Variants in CBLB observed in about 807,000 individuals in gnomAD.
CBLB encodes the protein E3 ubiquitin-protein ligase CBL-B.
Under a neutral mutation model 104.9 loss-of-function variants are expected in CBLB, and 31 were observed. That is an observed-to-expected ratio of 0.30 (90% CI 0.22 to 0.40). CBLB has a LOEUF of 0.40. CBLB is among the 10% of genes least tolerant of loss of function. CBLB has a pLI of 1.00. For synonymous variants in CBLB, 440 were observed against 422.6 expected, an observed-to-expected ratio of 1.04 and a Z score of -0.51; for missense variants, 1,062 against 1,214.6, an observed-to-expected ratio of 0.87 and a Z score of 1.87.
chr3:105,767,997 T>C (rs1392360368), intron 4 of CBLB, among the ~76,000 whole-genome samples: 1 of 152,162 alleles, frequency 6.6e-6, no homozygotes, highest in Non-Finnish European at 1.5e-5. Context: ...CACATGCTAA[T>C]GCACATTCCT....
At chr3:105,724,140 C>T (rs2073274161) in intron 9 of CBLB, 1 of 174,362 alleles carries the variant, frequency 5.7e-6, no homozygotes, top group Non-Finnish European at 1.2e-5. Flanking sequence ...GGATCCATAC[C>T]AAGAATTTTC....
intron 4 of CBLB, among the ~76,000 whole-genome samples, chr3:105,763,221 A>G (rs1279185225): frequency 1.3e-5 from 2 of 152,162 alleles, no homozygotes; most frequent in Non-Finnish European, 2.9e-5. Context: ...GACTCTTGTT[A>G]TCTCAGATAA....
At chr3:105,781,793 G>A (rs1413865327) in intron 3 of CBLB, among the ~76,000 whole-genome samples, 3 of 152,156 alleles carry the variant, frequency 2.0e-5, no homozygotes, top group Non-Finnish European at 2.9e-5. Flanking sequence ...GCTGCTTTTG[G>A]TAGAAGAAAT....
chr3:105,850,590 ACT>A (rs1200368857), intron 3 of CBLB, among the ~76,000 whole-genome samples: 5 of 152,162 alleles, frequency 3.3e-5, no homozygotes, highest in African/African-American at 9.6e-5. Context: ...GAAATGGAAA[ACT>A]CTATCATTTT....
rs1333896117 is a variant in CBLB, at chr3:105,678,556, T to C, written c.2444A>G (p.Asp815Gly). The change falls in exon 17 of 19, where the codon GAT becomes GGT. Residue 815 changes from aspartate to glycine, a missense_variant. Transcript: ENST00000394030. Reference protein sequence around the residue: ...LIPPLGEDAFDALPPSLPPPP... With the variant: ...LIPPLGEDAFGALPPSLPPPP... ...AGGTGGGAGAGATGGAGGGAGGGCA[T>C]CAAAAGCATCTTCACCTGCATTTAA... 2 of 1,612,988 alleles carry C rather than the reference T, an allele frequency of 1.2e-6. No homozygotes were observed. Among genetic ancestry groups the C allele is most frequent in the Non-Finnish European group, 1.7e-6 (2 of 1,179,368 alleles).
intron 3 of CBLB, among the ~76,000 whole-genome samples, chr3:105,782,306 G>A (rs944143084): frequency 2.0e-5 from 3 of 152,160 alleles, no homozygotes; most frequent in African/African-American, 7.2e-5. Context: ...TCAGCAGTGC[G>A]CCTAGGAACA....
chr3:105,737,503 A>G lies in CBLB; in HGVS notation c.984-245T>C, dbSNP rs75586563. On this transcript the variant is annotated intron_variant, in intron 7 of 18. Coordinates refer to ENST00000394030, the MANE Select transcript of CBLB (RefSeq NM_170662.5). Reference sequence around the variant, plus strand: ...CTAACCCACTAAGCAACCATTTTCAATGAAATACCTTTAATATATGTCTCT... The same window carrying G: ...CTAACCCACTAAGCAACCATTTTCAGTGAAATACCTTTAATATATGTCTCT... 1.7e-3 allele frequency among the ~76,000 whole-genome samples: 252 copies of G among 152,214 alleles called. 5 individuals carry two copies. The East Asian group carries it at 0.031, about 19-fold the overall frequency.
intron 3 of CBLB, among the ~76,000 whole-genome samples, chr3:105,833,903 G>A (rs574659827): frequency 6.6e-6 from 1 of 151,032 alleles, no homozygotes; most frequent in African/African-American, 2.4e-5. Flanking sequence ...AAAACCTTTC[G>A]TTTTAAAAAA....
chr3:105,701,617 G>T (rs1453744597), intron 12 of CBLB, among the ~76,000 whole-genome samples: 1 of 152,106 alleles, frequency 6.6e-6, no homozygotes, highest in African/African-American at 2.4e-5. Context: ...ACAAAAATTA[G>T]CTAGGCGTGG....
chr3:105,693,586 G>C lies in CBLB; in HGVS notation c.1962C>G (p.Val654=). The change falls in exon 13 of 19, where the codon GTC becomes GTG. Residue 654 remains valine, a splice_region_variant and synonymous_variant. Transcript: ENST00000394030. ...RHDLPLEGAK[V]FSNGHLGSEE... ...CACTTCCAAGGTGACCATTGGAAAA[G>C]ACCTGAAAGTAAATCAAATTGTTAG... 1.2e-6 allele frequency: 2 copies of C among 1,606,670 alleles called. No homozygotes were observed. The highest frequency in any genetic ancestry group is 8.5e-7 in the Non-Finnish European group (1 of 1,173,684).
intron 4 of CBLB, among the ~76,000 whole-genome samples, chr3:105,761,721 T>C (rs150323632): frequency 1.3e-5 from 2 of 152,290 alleles, no homozygotes; most frequent in East Asian, 3.9e-4. Context: ...ATACAGTAAA[T>C]TGGTGCCAGT....
At chr3:105,684,951 C>G (rs1037064749) in intron 14 of CBLB, among the ~76,000 whole-genome samples, 4 of 152,100 alleles carry the variant, frequency 2.6e-5, no homozygotes, top group African/African-American at 9.7e-5. Context: ...CCCACTTCTT[C>G]AAAATCTGAA....
chr3:105,723,880 C>T (rs1422911821), intron 9 of CBLB: 1 of 153,516 alleles, frequency 6.5e-6, no homozygotes, highest in East Asian at 1.8e-4. Context: ...TTATGCCTTC[C>T]CACATATGTA....
chr3:105,818,135 T>C (rs969672002), intron 3 of CBLB, among the ~76,000 whole-genome samples: 3 of 152,088 alleles, frequency 2.0e-5, no homozygotes, highest in Admixed American at 6.6e-5. Context: ...TGAAAACTTA[T>C]CCCAAAGAAA....
At chr3:105,860,271 G>A (rs1362852675) in intron 2 of CBLB, among the ~76,000 whole-genome samples, 1 of 152,122 alleles carries the variant, frequency 6.6e-6, no homozygotes, top group Non-Finnish European at 1.5e-5. Context: ...GAACCTCTCA[G>A]GAAAATTATA....
chr3:105,747,815 T>G (rs1155058), intron 5 of CBLB, among the ~76,000 whole-genome samples: 151,733 of 152,260 alleles, frequency 1, 75,607 homozygotes, highest in East Asian at 1. Context: ...TGGAAGAGTG[T>G]TTGAAAAAAA....
chr3:105,702,518 A>G, intron 11 of CBLB, 59 bp from the exon 12 acceptor site: 1 of 1,469,778 alleles, frequency 6.8e-7, no homozygotes, highest in East Asian at 2.5e-5. Flanking sequence ...TGTACCATGC[A>G]CTGACAGAAC....
At chr3:105,677,350 T>TAAAA (rs59169680) in intron 17 of CBLB, among the ~76,000 whole-genome samples, 1 of 108,766 alleles carries the variant, frequency 9.2e-6, no homozygotes. Context: ...TCAAACCAAG[T>TAAAA]AAAAAAAAAA....
intron 18 of CBLB, among the ~76,000 whole-genome samples, chr3:105,660,832 G>C (rs1316042094): frequency 6.9e-6 from 1 of 144,188 alleles, no homozygotes; most frequent in Non-Finnish European, 1.5e-5. Context: ...AAAGATGTAT[G>C]ATATTTTTCC....
Sources: gnomAD v4.1 joint callset for allele counts (sites outside exome capture counted in the v4.1 genomes callset) on GRCh38, gnomAD v4.1.1 for gene constraint, MANE v1.5 for transcripts, NCBI Gene and HGNC (gene_info 2026-07-23, HGNC 2026-07-21) for gene names.